The following GRM4 variants were observed in gnomAD, a reference collection of about 807,000 sequenced individuals.
GRM4 encodes glutamate metabotropic receptor 4, also known as metabotropic glutamate receptor 4.
In GRM4, 28 loss-of-function variants were observed where a neutral mutation model predicts 81.7. That is an observed-to-expected ratio of 0.34 (90% CI 0.25 to 0.47). GRM4 has a LOEUF of 0.47. GRM4 is among the 20% of genes least tolerant of loss of function. The pLI, the probability that GRM4 is intolerant of heterozygous loss-of-function variation, is 1.00. For missense variants in GRM4, 948 were observed against 1,290.0 expected (o/e 0.73, Z 4.06); for synonymous variants, 488 against 528.8 (o/e 0.92, Z 1.06).
At chr6:34,029,090 C>T (rs1764282531) in intron 9 of GRM4, among the ~76,000 whole-genome samples, 1 of 152,192 alleles carries the variant, frequency 6.6e-6, no homozygotes, top group Non-Finnish European at 1.5e-5. Context: ...CGGCAATTCC[C>T]ACTGTCCCCG....
At chr6:34,062,803 G>A (rs765278711) in intron 3 of GRM4, 2 of 151,896 alleles carry the variant, frequency 1.3e-5, no homozygotes, top group Non-Finnish European at 2.9e-5. Flanking sequence ...CCCAGCCCCA[G>A]ATGTGCCTCT....
At position 34,028,500 on chromosome 6, in the gene GRM4, G is replaced by A. The variant is rs1195369069; in HGVS notation, c.2443-134C>T. 15 of 895,534 alleles carry A rather than the reference G, an allele frequency of 1.7e-5. 1 individual carries two copies. In the South Asian group the frequency reaches 2.3e-4, roughly 14 times the overall value. The allele number at this position is 895,534 out of a possible 1,614,324, so 55.5% of individuals were successfully genotyped here. On this transcript the variant is annotated intron_variant, in intron 9 of 10. Coordinates refer to ENST00000538487, the MANE Select transcript of GRM4 (RefSeq NM_000841.4). ...GAAGGAAGTCGTGGCTTGGAGCTGG[G>A]ACTGCAGACCAGGGTTTCTGCATTC...
chr6:34,103,864 G>C, intron 2 of GRM4: 1 of 1,412,050 alleles, frequency 7.1e-7, no homozygotes, highest in Non-Finnish European at 9.2e-7. Flanking sequence ...CGAGGGTCCC[G>C]AGGGAGAATG....
chr6:34,153,831 G>C (rs1419172460), intron 1 of GRM4, among the ~76,000 whole-genome samples: 1 of 151,536 alleles, frequency 6.6e-6, no homozygotes, highest in African/African-American at 2.4e-5. Flanking sequence ...GGAGGCTGAG[G>C]CATGAGAATC....
intron 2 of GRM4, chr6:34,102,034 C>T: frequency 1.3e-6 from 2 of 1,535,062 alleles, no homozygotes; most frequent in Non-Finnish European, 1.7e-6. Context: ...GTCCTCCACC[C>T]CCAAAGCATG....
rs566188414 is a variant in GRM4 at position 34,074,121 on chromosome 6, C to T, written c.737-12093G>A. Among the ~76,000 whole-genome samples, 2 of 151,712 alleles carry T rather than the reference C, an allele frequency of 1.3e-5. No individual in the cohort carries two copies. The highest frequency in any genetic ancestry group is 4.8e-5 in the African/African-American group (2 of 41,378). On this transcript the variant is annotated intron_variant, in intron 3 of 10. Coordinates refer to ENST00000538487, the MANE Select transcript of GRM4 (RefSeq NM_000841.4). The surrounding 1 kb of genome is among the most constrained non-coding windows in gnomAD (Gnocchi z 4.9). The stretch of plus-strand genomic sequence containing the variant: ...GGGGCTGGATCTCGAGGTGCAGGGG[C>T]GCCGATGGGGAAGAAGAGGGGGACA...
Position 34,068,946 on chromosome 6 carries a change from A to C in GRM4, c.737-6918T>G, listed in dbSNP as rs910893111. 6.6e-6 allele frequency among the ~76,000 whole-genome samples: 1 copy of C among 152,054 alleles called. No individual in the cohort carries two copies. The highest frequency in any genetic ancestry group is 2.4e-5 in the African/African-American group (1 of 41,404). ...CTTCCTTTAAAAAGAATTTTTTTTT[A>C]ATTTAAAAAGAGAGGAAAATAATGA... On this transcript the variant is annotated intron_variant, in intron 3 of 10. Coordinates refer to ENST00000538487, the MANE Select transcript of GRM4 (RefSeq NM_000841.4). This position sits in a 1 kb window ranked among gnomAD's most constrained non-coding sequence, Gnocchi z 4.2.
In GRM4 at chr6:34,038,222, G is replaced by C. The variant is rs1005640129; in HGVS notation, c.1507-1619C>G. On this transcript the variant is annotated intron_variant, in intron 8 of 10. Transcript: ENST00000538487. Reference sequence around the variant, plus strand: ...CAGTTCTGTTGCTACCTGGCTGTGCGTCCTTGAGCAAATGGCTTCTCCTCT... The same window carrying C: ...CAGTTCTGTTGCTACCTGGCTGTGCCTCCTTGAGCAAATGGCTTCTCCTCT... Among the ~76,000 whole-genome samples, 3 of 152,240 alleles carry C rather than the reference G, an allele frequency of 2.0e-5. No individual in the cohort carries two copies. The South Asian group carries it at 6.2e-4, about 31-fold the overall frequency.
intron 3 of GRM4, among the ~76,000 whole-genome samples, chr6:34,082,238 T>C (rs948861382): frequency 1.3e-5 from 2 of 151,944 alleles, no homozygotes; most frequent in South Asian, 4.2e-4. Context: ...CTTGAAGAAA[T>C]GGGATTCCAG....
chr6:34,077,885 T>G (rs2127475973), intron 3 of GRM4, among the ~76,000 whole-genome samples: 1 of 152,264 alleles, frequency 6.6e-6, no homozygotes, highest in Non-Finnish European at 1.5e-5. Context: ...TCACTGCACT[T>G]CGCACAGTGA....
Position 34,047,564 on chromosome 6 carries a change from C to G in GRM4, c.1169-6816G>C, listed in dbSNP as rs1765416766. ...ACCGCAGTTTTGCCGGCCCCCTCCT[C>G]TCGAATTTTCATCCTCATCAAGTCG... On this transcript the variant is annotated intron_variant, in intron 6 of 10. Transcript: ENST00000538487. This position sits in a 1 kb window ranked among gnomAD's most constrained non-coding sequence, Gnocchi z 4.5. Among the ~76,000 whole-genome samples the G allele has an allele frequency of 6.6e-6, 1 of 152,144 alleles. No homozygotes were observed. Among genetic ancestry groups the G allele is most frequent in the African/African-American group, 2.4e-5 (1 of 41,442 alleles).
At chr6:34,098,331 C>T (rs1198409014) in intron 2 of GRM4, among the ~76,000 whole-genome samples, 1 of 152,174 alleles carries the variant, frequency 6.6e-6, no homozygotes, top group Non-Finnish European at 1.5e-5. Flanking sequence ...AAACAAGGTG[C>T]TGACTGAGCT....
chr6:34,040,835 C>CTT, intron 6 of GRM4, 87 bp from the exon 7 acceptor site: 1 of 1,134,990 alleles, frequency 8.8e-7, no homozygotes, highest in Non-Finnish European at 1.3e-6. Context: ...CCTCTGGCCA[C>CTT]CTGGAGAAGT....
At chr6:34,028,936 G>A (rs576564517) in intron 9 of GRM4, among the ~76,000 whole-genome samples, 143 of 152,328 alleles carry the variant, frequency 9.4e-4, no homozygotes, top group African/African-American at 3.1e-3. Context: ...GGCACCCATC[G>A]CGATATGGTG....
Position 34,114,380 on chromosome 6 carries a change from G to A in GRM4, c.519+18598C>T, listed in dbSNP as rs1014765036. ...GTCACTATGCATAAGGCCATCATCC[G>A]GGCCACCATCACCTCCAGGCTGAAT... On this transcript the variant is annotated intron_variant, in intron 2 of 10. Coordinates refer to ENST00000538487, the MANE Select transcript of GRM4 (RefSeq NM_000841.4). The surrounding 1 kb of genome is among the most constrained non-coding windows in gnomAD (Gnocchi z 4.3). 2.0e-5 allele frequency among the ~76,000 whole-genome samples: 3 copies of A among 152,082 alleles called. No individual in the cohort carries two copies. Among genetic ancestry groups the A allele is most frequent in the South Asian group, 2.1e-4 (1 of 4,820 alleles).
rs1769819163 is a variant in GRM4 at position 34,121,707 on chromosome 6, C to T, written c.519+11271G>A. Among the ~76,000 whole-genome samples the T allele has an allele frequency of 6.6e-6, 1 of 152,182 alleles. No individual in the cohort carries two copies. The highest frequency in any genetic ancestry group is 2.4e-5 in the African/African-American group (1 of 41,442). On this transcript the variant is annotated intron_variant, in intron 2 of 10. Coordinates refer to ENST00000538487, the MANE Select transcript of GRM4 (RefSeq NM_000841.4). The surrounding 1 kb of genome is among the most constrained non-coding windows in gnomAD (Gnocchi z 4.6). ...CTGGGGCACCACCTCTTAGCAAACCCCAGGGAGAAACTGAGGCCTGGAGAC... is the reference window on the plus strand; with the variant it reads ...CTGGGGCACCACCTCTTAGCAAACCTCAGGGAGAAACTGAGGCCTGGAGAC...
chr6:34,065,875 A>G (rs1300093148), intron 3 of GRM4, among the ~76,000 whole-genome samples: 1 of 152,144 alleles, frequency 6.6e-6, no homozygotes, highest in African/African-American at 2.4e-5. Flanking sequence ...CCACCTTCAG[A>G]CGAGGCTCTC....
intron 2 of GRM4, among the ~76,000 whole-genome samples, chr6:34,094,129 A>C (rs766942962): frequency 4.6e-5 from 7 of 152,214 alleles, no homozygotes; most frequent in Non-Finnish European, 1.0e-4. Context: ...CTGGGGTAAA[A>C]ACAACAGCAA....
In GRM4 at chr6:34,089,730, A is replaced by T. The variant is rs1300422536; in HGVS notation, c.736+2153T>A. On this transcript the variant is annotated intron_variant, in intron 3 of 10. Transcript: ENST00000538487. The surrounding 1 kb of genome is among the most constrained non-coding windows in gnomAD (Gnocchi z 4.3). The stretch of plus-strand genomic sequence containing the variant: ...TAGACTTTATTTTTTCTAACCGCCC[A>T]ATACTTGATTAGATGTTGATAAAAA... 6.6e-6 allele frequency among the ~76,000 whole-genome samples: 1 copy of T among 152,102 alleles called. No individual in the cohort carries two copies. The highest frequency in any genetic ancestry group is 1.5e-5 in the Non-Finnish European group (1 of 68,028).
Sources: allele counts gnomAD v4.1 joint callset (sites outside exome capture counted in the v4.1 genomes callset), GRCh38; gene constraint gnomAD v4.1.1; non-coding constraint Gnocchi (gnomAD v3.1); transcripts MANE v1.5; gene names NCBI Gene and HGNC (gene_info 2026-07-23, HGNC 2026-07-21).